SV2B: variants seen among roughly 807,000 people sequenced by gnomAD.
SV2B encodes solute carrier family 22 member B2.
In SV2B, 41 loss-of-function variants were observed where a neutral mutation model predicts 73.9. That is an observed-to-expected ratio of 0.56 (90% confidence interval 0.43 to 0.72). SV2B has a LOEUF of 0.72. Among genes scored for constraint, SV2B ranks in the 30% least tolerant of loss-of-function variants. The probability of loss-of-function intolerance (pLI) is 0.00; values close to 1 mark genes in which losing one functional copy is unlikely to be tolerated. For missense variants in SV2B, 764 were observed against 857.8 expected, an observed-to-expected ratio of 0.89 and a Z score of 1.37; for synonymous variants, 314 against 314.2, an observed-to-expected ratio of 1.00 and a Z score of 0.01.
chr15:91,183,814 G>A (rs570889777), intron 1 of SV2B, among the ~76,000 whole-genome samples: 1 of 152,194 alleles, frequency 6.6e-6, no homozygotes, highest in African/African-American at 2.4e-5. Context: ...GAAAACAGAG[G>A]GGGAGGAAAC....
chr15:91,261,262 G>GAAA lies in SV2B; in HGVS notation c.1008+860_1008+862dup, dbSNP rs36020382. Among the ~76,000 whole-genome samples, 22 of 150,468 alleles carry GAAA rather than the reference G, an allele frequency of 1.5e-4. No individual in the cohort carries two copies. The highest frequency in any genetic ancestry group is 2.7e-4 in the African/African-American group (11 of 40,964). ...TGGGCAACAGAGCAGGACTGTGTCT[G>GAAA]AAAAAAAAAGATAACAGAAATAAAC... is the stretch of plus-strand genomic sequence containing the variant. On this transcript the variant is annotated intron_variant, in intron 6 of 12. Coordinates refer to ENST00000394232, the MANE Select transcript of SV2B (RefSeq NM_001323032.3). This position sits in a 1 kb window ranked among gnomAD's most constrained non-coding sequence, Gnocchi z 4.7.
chr15:91,259,663 G>A (rs1298991047), intron 5 of SV2B, among the ~76,000 whole-genome samples: 2 of 152,246 alleles, frequency 1.3e-5, no homozygotes, highest in African/African-American at 2.4e-5. Context: ...CTCCTTCCTT[G>A]CCTCTTTCAG....
At chr15:91,154,136 T>G (rs970767790) in intron 1 of SV2B, among the ~76,000 whole-genome samples, 4 of 147,944 alleles carry the variant, frequency 2.7e-5, no homozygotes, top group African/African-American at 9.8e-5. Flanking sequence ...TATTAATATT[T>G]GATATTAATT....
At chr15:91,148,279 T>C (rs1463159699) in intron 1 of SV2B, among the ~76,000 whole-genome samples, 1 of 152,046 alleles carries the variant, frequency 6.6e-6, no homozygotes, top group Non-Finnish European at 1.5e-5. Flanking sequence ...GTGCCTGGCC[T>C]GTTCCCTTTT....
chr15:91,211,128 A>C (rs2045842517), intron 1 of SV2B, among the ~76,000 whole-genome samples: 1 of 152,232 alleles, frequency 6.6e-6, no homozygotes, highest in South Asian at 2.1e-4. Context: ...CAACGGCAGT[A>C]GTTTCGAAGC....
chr15:91,133,092 A>T (rs1197968984), intron 1 of SV2B, among the ~76,000 whole-genome samples: 1 of 152,184 alleles, frequency 6.6e-6, no homozygotes. Flanking sequence ...GAAACTGAGG[A>T]TCATAGAGAT....
At position 91,289,795 on chromosome 15, in the gene SV2B, G is replaced by A. The variant is rs894285629; in HGVS notation, c.1868+115G>A. The A allele has an allele frequency of 2.1e-5, 25 of 1,188,916 alleles. No homozygotes were observed. The highest frequency in any genetic ancestry group is 3.1e-5 in the African/African-American group (2 of 64,490). The allele number at this position is 1,188,916 out of a possible 1,614,324, so 73.6% of individuals were successfully genotyped here. On this transcript the variant is annotated intron_variant, in intron 12 of 12. Transcript: ENST00000394232. This position sits in a 1 kb window ranked among gnomAD's most constrained non-coding sequence, Gnocchi z 4.9. The stretch of plus-strand genomic sequence containing the variant: ...GCCATCGTGGTCTTTCTGCTGTTCC[G>A]TGAAACAAACATCTTTTATGTTGAG...
At chr15:91,176,037 C>A (rs1160347752) in intron 1 of SV2B, among the ~76,000 whole-genome samples, 1 of 151,622 alleles carries the variant, frequency 6.6e-6, no homozygotes, top group East Asian at 1.9e-4. Context: ...TATCCCTCCC[C>A]CTTCCCCCCA....
rs201841298 is a variant in SV2B, at chr15:91,254,234, CTT to C, written c.784+1731_784+1732del. Among the ~76,000 whole-genome samples the C allele has an allele frequency of 2.4e-3, 305 of 127,284 alleles. 2 individuals are homozygous for C. Among genetic ancestry groups the C allele is most frequent in the African/African-American group, 8.2e-3 (279 of 33,858 alleles). The allele number at this position is 127,284 out of a possible 152,430, so 83.5% of individuals were successfully genotyped here. ...GAATACTAAGGGATTATTTTCACTTCTTTTTTTTTTTTTTTTTTCTGAGACAG... is the reference window on the plus strand; with the variant it reads ...GAATACTAAGGGATTATTTTCACTTCTTTTTTTTTTTTTTTTCTGAGACAG... On this transcript the variant is annotated intron_variant, in intron 4 of 12. Coordinates refer to ENST00000394232, the MANE Select transcript of SV2B (RefSeq NM_001323032.3).
chr15:91,233,276 G>T (rs1409720695), intron 2 of SV2B, among the ~76,000 whole-genome samples: 2 of 152,160 alleles, frequency 1.3e-5, no homozygotes, highest in Non-Finnish European at 2.9e-5. Context: ...GGGTGACCGA[G>T]TACATGATAC....
chr15:91,290,283 G>A lies in SV2B; in HGVS notation c.1868+603G>A, dbSNP rs1292625259. ...CTGTGGTCAAAAAGGAATGTGAAGA[G>A]GTAAGGAAGGTGGGTAAATGAAATT... On this transcript the variant is annotated intron_variant, in intron 12 of 12. Transcript: ENST00000394232. The surrounding 1 kb of genome is among the most constrained non-coding windows in gnomAD (Gnocchi z 4.7). Among the ~76,000 whole-genome samples the A allele has an allele frequency of 1.3e-5, 2 of 152,142 alleles. No homozygotes were observed. Among genetic ancestry groups the A allele is most frequent in the African/African-American group, 2.4e-5 (1 of 41,418 alleles).
chr15:91,246,985 G>A (rs916245774), intron 2 of SV2B, among the ~76,000 whole-genome samples: 5 of 152,098 alleles, frequency 3.3e-5, no homozygotes. Context: ...AATTTCTTTT[G>A]CTAAAGACAG....
chr15:91,133,581 G>A (rs2042723070), intron 1 of SV2B, among the ~76,000 whole-genome samples: 1 of 152,140 alleles, frequency 6.6e-6, no homozygotes, highest in South Asian at 2.1e-4. Context: ...AGGGTCTGCA[G>A]AAAATGCCCA....
At chr15:91,275,269 A>G (rs1413307771) in intron 9 of SV2B, among the ~76,000 whole-genome samples, 2 of 151,950 alleles carry the variant, frequency 1.3e-5, no homozygotes, top group Admixed American at 6.6e-5. Context: ...CTATTGGTAT[A>G]TTACTTATTC....
intron 1 of SV2B, among the ~76,000 whole-genome samples, chr15:91,113,228 C>T (rs1312601790): frequency 6.6e-6 from 1 of 152,190 alleles, no homozygotes; most frequent in African/African-American, 2.4e-5. Context: ...ACTACATCTC[C>T]AGGCTTCCTT....
rs532630234 is a variant in SV2B, at chr15:91,241,659, T to C, written c.452-10160T>C. Among the ~76,000 whole-genome samples, 3 of 152,290 alleles carry C rather than the reference T, an allele frequency of 2.0e-5. No homozygotes were observed. Among genetic ancestry groups the C allele is most frequent in the South Asian group, 4.1e-4 (2 of 4,822 alleles). On this transcript the variant is annotated intron_variant, in intron 2 of 12. Coordinates refer to ENST00000394232, the MANE Select transcript of SV2B (RefSeq NM_001323032.3). The surrounding 1 kb of genome is among the most constrained non-coding windows in gnomAD (Gnocchi z 4.8). ...CTGTTATCACACCTACCTTCCTCGC[T>C]GCCTCTGTGCTGACCCCGTATTCTT...
chr15:91,140,613 TCTC>T lies in SV2B; in HGVS notation c.-392+40255_-392+40257del, dbSNP rs1243376680. Among the ~76,000 whole-genome samples the T allele has an allele frequency of 6.6e-6, 1 of 152,118 alleles. No homozygotes were observed. Among genetic ancestry groups the T allele is most frequent in the Non-Finnish European group, 1.5e-5 (1 of 68,020 alleles). On this transcript the variant is annotated intron_variant, in intron 1 of 12. Coordinates refer to ENST00000394232, the MANE Select transcript of SV2B (RefSeq NM_001323032.3). This position sits in a 1 kb window ranked among gnomAD's most constrained non-coding sequence, Gnocchi z 4.4. Reference sequence around the variant, plus strand: ...AGTAGCCCATTGCTCTCCTCTTTGATCTCCTCCAACAGAGTGGAGAACATGTCT... The same window carrying T: ...AGTAGCCCATTGCTCTCCTCTTTGATCTCCAACAGAGTGGAGAACATGTCT...
intron 9 of SV2B, among the ~76,000 whole-genome samples, chr15:91,276,805 G>GTTGTTGTTGTTATTATTATTA (rs528279430): frequency 2.2e-5 from 2 of 92,096 alleles, no homozygotes; most frequent in Admixed American, 9.3e-5. Flanking sequence ...TATTGTTGTT[G>GTTGTTGTTGTTATTATTATTA]TTATTATTAT....
intron 6 of SV2B, among the ~76,000 whole-genome samples, chr15:91,263,106 A>T (rs556142204): frequency 1.3e-5 from 2 of 152,202 alleles, no homozygotes; most frequent in Non-Finnish European, 2.9e-5. Flanking sequence ...AGACACACAT[A>T]GACATAGGCA....
Sources: allele counts gnomAD v4.1 joint callset (sites outside exome capture counted in the v4.1 genomes callset), GRCh38; gene constraint gnomAD v4.1.1; non-coding constraint Gnocchi (gnomAD v3.1); transcripts MANE v1.5; gene names NCBI Gene and HGNC (gene_info 2026-07-23, HGNC 2026-07-21).